The following MECOM variants were observed in gnomAD, a reference collection of about 807,000 sequenced individuals.
MECOM encodes the protein histone-lysine N-methyltransferase MECOM.
Under a neutral mutation model 116.3 loss-of-function variants are expected in MECOM, and 13 were observed. That is an observed-to-expected ratio of 0.11 (90% CI 0.07 to 0.18). The LOEUF is 0.18. Ranked by LOEUF, MECOM falls within the 10% of genes least tolerant of loss-of-function variation. The pLI, the probability that MECOM is intolerant of heterozygous loss-of-function variation, is 1.00. For synonymous variants in MECOM, 528 were observed against 535.2 expected (o/e 0.99, Z 0.19); for missense variants, 1,299 against 1,509.0 (o/e 0.86, Z 2.31).
chr3:169,337,635 A>T (rs1577762799), intron 2 of MECOM, among the ~76,000 whole-genome samples: 1 of 152,184 alleles, frequency 6.6e-6, no homozygotes, highest in Non-Finnish European at 1.5e-5. Flanking sequence ...TTCATGGACA[A>T]AGTCCCTGTC....
chr3:169,585,421 GTTCTATT>G (rs1243884970), intron 1 of MECOM, among the ~76,000 whole-genome samples: 3 of 152,154 alleles, frequency 2.0e-5, no homozygotes. Context: ...GTTTGTGGAA[GTTCTATT>G]TTGTATTTTA....
chr3:169,237,189 A>G (rs1754168179), intron 2 of MECOM, among the ~76,000 whole-genome samples: 1 of 152,246 alleles, frequency 6.6e-6, no homozygotes, highest in Non-Finnish European at 1.5e-5. Flanking sequence ...ATTGACTAAG[A>G]TACGGCAAAT....
At chr3:169,481,137 A>G (rs1751221361) in intron 1 of MECOM, among the ~76,000 whole-genome samples, 1 of 152,340 alleles carries the variant, frequency 6.6e-6, no homozygotes, top group East Asian at 1.9e-4. Flanking sequence ...TTAAAAAAAC[A>G]AGTTAAGAAG....
At chr3:169,093,168 C>A in intron 13 of MECOM, 66 bp from the exon 14 acceptor site, 1 of 1,485,124 alleles carries the variant, frequency 6.7e-7, no homozygotes, top group South Asian at 1.3e-5. Flanking sequence ...TTTGGAAACT[C>A]ACTCCTTATG....
intron 2 of MECOM, among the ~76,000 whole-genome samples, chr3:169,210,552 T>A (rs958993049): frequency 6.6e-6 from 1 of 152,108 alleles, no homozygotes; most frequent in Non-Finnish European, 1.5e-5. Context: ...GCAAATGTGA[T>A]AAGAAAATGA....
At chr3:169,345,579 G>A (rs909213324) in intron 2 of MECOM, among the ~76,000 whole-genome samples, 5 of 152,110 alleles carry the variant, frequency 3.3e-5, no homozygotes, top group African/African-American at 1.2e-4. Flanking sequence ...CTAAAACTTA[G>A]CAGCACCCCT....
chr3:169,105,168 T>G (rs1297330593), intron 10 of MECOM, among the ~76,000 whole-genome samples: 2 of 152,168 alleles, frequency 1.3e-5, no homozygotes, highest in African/African-American at 4.8e-5. Context: ...ATCCTTCTTT[T>G]CATCTTCCTA....
intron 2 of MECOM, among the ~76,000 whole-genome samples, chr3:169,158,643 G>A (rs531894349): frequency 3.9e-5 from 6 of 152,244 alleles, no homozygotes; most frequent in African/African-American, 7.2e-5. Flanking sequence ...CCGAAGCCAC[G>A]GTGGTCCATT....
intron 1 of MECOM, among the ~76,000 whole-genome samples, chr3:169,414,882 T>C (rs559402641): frequency 1.3e-5 from 2 of 152,194 alleles, no homozygotes; most frequent in African/African-American, 4.8e-5. Flanking sequence ...TATGGGAATA[T>C]GTGAAAAGAC....
At chr3:169,085,182 A>C (rs1717268322) in intron 16 of MECOM, 139 bp from the exon 17 acceptor site, 3 of 1,124,494 alleles carry the variant, frequency 2.7e-6, no homozygotes, top group Non-Finnish European at 3.8e-6. Context: ...CAAAGAAGGC[A>C]TATTTTTTGT....
intron 2 of MECOM, among the ~76,000 whole-genome samples, chr3:169,205,830 C>G (rs1749851412): frequency 6.6e-6 from 1 of 152,026 alleles, no homozygotes; most frequent in South Asian, 2.1e-4. Flanking sequence ...TCCTGGGGGC[C>G]AAATTAAGCC....
intron 1 of MECOM, among the ~76,000 whole-genome samples, chr3:169,573,885 G>A (rs1177718237): frequency 6.6e-6 from 1 of 152,066 alleles, no homozygotes; most frequent in East Asian, 1.9e-4. Flanking sequence ...ATAAAATGCT[G>A]CATGTTCTGC....
chr3:169,319,855 C>T (rs369802845), intron 2 of MECOM, among the ~76,000 whole-genome samples: 1 of 152,188 alleles, frequency 6.6e-6, no homozygotes, highest in Non-Finnish European at 1.5e-5. Context: ...AGAACCTCAA[C>T]CAGTTAACTG....
intron 1 of MECOM, among the ~76,000 whole-genome samples, chr3:169,485,281 C>A (rs1751984805): frequency 6.6e-6 from 1 of 152,108 alleles, no homozygotes; most frequent in South Asian, 2.1e-4. Context: ...AGGGATGAAC[C>A]ACTGCACCCA....
In MECOM at chr3:169,624,198, T is replaced by C. The variant is rs184337644; in HGVS notation, c.37+39138A>G. 1.9e-3 allele frequency among the ~76,000 whole-genome samples: 285 copies of C among 152,320 alleles called. 5 individuals carry two copies. The highest frequency in any genetic ancestry group is 0.017 in the Middle Eastern group (5 of 294). On this transcript the variant is annotated intron_variant, in intron 1 of 16. Transcript: ENST00000651503. Reference sequence around the variant, plus strand: ...GCCCTTCACTTAACACCTTTGTCAATAGAATTTCACAACTGGGAAACTGCC... The same window carrying C: ...GCCCTTCACTTAACACCTTTGTCAACAGAATTTCACAACTGGGAAACTGCC...
At chr3:169,555,155 G>A (rs1009751994) in intron 1 of MECOM, among the ~76,000 whole-genome samples, 9 of 152,184 alleles carry the variant, frequency 5.9e-5, no homozygotes, top group African/African-American at 1.4e-4. Context: ...TTCACAGCTT[G>A]AGTGATGAAA....
Position 169,234,506 on chromosome 3 carries a change from G to C in MECOM, c.376-90674C>G, listed in dbSNP as rs143216772. Among the ~76,000 whole-genome samples the C allele has an allele frequency of 8.2e-3, 1,248 of 151,380 alleles. 12 individuals carry two copies. Among genetic ancestry groups the C allele is most frequent in the African/African-American group, 0.028 (1,176 of 41,268 alleles). On this transcript the variant is annotated intron_variant, in intron 2 of 16. Coordinates refer to ENST00000651503, the MANE Select transcript of MECOM (RefSeq NM_004991.4). The stretch of plus-strand genomic sequence containing the variant: ...GGGAAATAAAAGAAAAAAGAAAGAA[G>C]GGAAAAAAGAAAAAGGAAAGGAATA...
At chr3:169,216,224 A>G (rs961820126) in intron 2 of MECOM, among the ~76,000 whole-genome samples, 5 of 152,166 alleles carry the variant, frequency 3.3e-5, no homozygotes, top group African/African-American at 4.8e-5. Flanking sequence ...TTCTGATGGT[A>G]TGATGGTGAA....
intron 1 of MECOM, among the ~76,000 whole-genome samples, chr3:169,574,331 T>C (rs546400227): frequency 2.5e-4 from 38 of 152,224 alleles, no homozygotes; most frequent in Non-Finnish European, 5.0e-4. Flanking sequence ...TATTTTCATA[T>C]CTTATTTCCT....
Sources: allele counts gnomAD v4.1 joint callset (sites outside exome capture counted in the v4.1 genomes callset), GRCh38; gene constraint gnomAD v4.1.1; transcripts MANE v1.5; gene names NCBI Gene and HGNC (gene_info 2026-07-23, HGNC 2026-07-21).